SURF4: variants seen among roughly 807,000 people sequenced by gnomAD.
SURF4 encodes surfeit 4, also known as surfeit locus protein 4.
In SURF4, 3 loss-of-function variants were observed where a neutral mutation model predicts 30.0. The observed-to-expected ratio is 0.10, with a 90% CI of 0.05 to 0.26. SURF4 has a LOEUF of 0.26. Among genes scored for constraint, SURF4 ranks in the 10% least tolerant of loss-of-function variants. The pLI is 1.00. For missense variants in SURF4, 217 were observed against 350.8 expected (o/e 0.62, Z 3.05); for synonymous variants, 143 against 139.9 (o/e 1.02, Z -0.16).
intron 1 of SURF4, chr9:133,372,445 C>T: frequency 3.5e-6 from 1 of 287,666 alleles, no homozygotes; most frequent in Middle Eastern, 1.8e-3. Context: ...CTCTGCCCAT[C>T]TGAAGATGGT....
In SURF4 at chr9:133,363,437, C is replaced by G. The variant is rs2130086173; in HGVS notation, c.*56G>C. On this transcript the variant is annotated 3_prime_UTR_variant, in exon 6 of 6. Transcript: ENST00000371989. The surrounding 1 kb of genome is among the most constrained non-coding windows in gnomAD (Gnocchi z 4.3). ...GCTGGCAGTTTTGTTGAATCCACCCCGAACCAGTCCTTGACGGCCACGGGT... is the reference window on the plus strand; with the variant it reads ...GCTGGCAGTTTTGTTGAATCCACCCGGAACCAGTCCTTGACGGCCACGGGT... 1 of 1,614,024 alleles carries G rather than the reference C, an allele frequency of 6.2e-7. No individual in the cohort carries two copies. Among genetic ancestry groups the G allele is most frequent in the Non-Finnish European group, 8.5e-7 (1 of 1,179,982 alleles).
At chr9:133,376,780 C>T (rs2130251493), upstream of SURF4, among the ~76,000 whole-genome samples, 1 of 152,216 alleles carries the variant, frequency 6.6e-6, no homozygotes, top group African/African-American at 2.4e-5. Context: ...AAGGATTCTC[C>T]AGCCCTGGCT....
rs2130087567 is a variant in SURF4 at position 133,363,503 on chromosome 9, T to C, written c.800A>G (p.Lys267Arg). Reference protein sequence around the residue: ...PGGVSMDEKKKEW With the variant: ...PGGVSMDEKKREW ...AGGGATCTGTGACTGTTACCACTCC[T>C]TCTTCTTCTCATCCATGGAGACACC... Residue 267 changes from lysine to arginine, a missense_variant, in exon 6 of 6, where the codon AAG (lysine) becomes AGG (arginine). Transcript: ENST00000371989. This position sits in a 1 kb window ranked among gnomAD's most constrained non-coding sequence, Gnocchi z 4.3. 2 of 1,614,100 alleles carry C rather than the reference T, an allele frequency of 1.2e-6. No homozygotes were observed. Among genetic ancestry groups the C allele is most frequent in the South Asian group, 2.2e-5 (2 of 91,070 alleles).
upstream of SURF4, chr9:133,376,206 G>A: frequency 2.4e-6 from 3 of 1,275,556 alleles, no homozygotes; most frequent in South Asian, 5.5e-5. Flanking sequence ...CGACCCATCC[G>A]CTCGAAGCCA....
chr9:133,369,306 G>C (rs1429734688), intron 1 of SURF4, among the ~76,000 whole-genome samples: 1 of 152,192 alleles, frequency 6.6e-6, no homozygotes, highest in Non-Finnish European at 1.5e-5. Context: ...TCACCAAGTG[G>C]GTTTGGGAGA....
At chr9:133,364,408 C>G (rs1014341634) in intron 5 of SURF4, among the ~76,000 whole-genome samples, 2 of 152,116 alleles carry the variant, frequency 1.3e-5, no homozygotes. Flanking sequence ...AAAGTTTGCT[C>G]CGCCGAGCAC....
upstream of SURF4, among the ~76,000 whole-genome samples, chr9:133,377,203 G>A (rs1051645293): frequency 7.2e-5 from 11 of 151,864 alleles, no homozygotes; most frequent in Non-Finnish European, 1.6e-4. Flanking sequence ...AATTTTTAAA[G>A]TAAAGTTGTT....
chr9:133,368,153 C>A (rs1338320923), intron 1 of SURF4, among the ~76,000 whole-genome samples: 5 of 152,344 alleles, frequency 3.3e-5, no homozygotes, highest in African/African-American at 1.2e-4. Flanking sequence ...CAAGACTTGA[C>A]CCCAGCCTGC....
At chr9:133,370,521 G>A (rs1837442625) in intron 1 of SURF4, among the ~76,000 whole-genome samples, 1 of 152,118 alleles carries the variant, frequency 6.6e-6, no homozygotes, top group Admixed American at 6.5e-5. Flanking sequence ...TTAAAGACAA[G>A]GCCCAACATT....
chr9:133,364,729 TC>T, intron 5 of SURF4, 110 bp downstream of exon 5: 1 of 790,752 alleles, frequency 1.3e-6, no homozygotes, highest in Non-Finnish European at 1.8e-6. Flanking sequence ...TTTCAGCAGC[TC>T]CCCCAGGCTG....
chr9:133,372,818 T>C (rs1481151712), intron 1 of SURF4, among the ~76,000 whole-genome samples: 1 of 152,188 alleles, frequency 6.6e-6, no homozygotes, highest in Non-Finnish European at 1.5e-5. Context: ...CTTGGTCAGA[T>C]TCTGTCCACA....
upstream of SURF4, chr9:133,376,204 C>A: frequency 7.8e-7 from 1 of 1,275,286 alleles, no homozygotes; most frequent in African/African-American, 1.6e-5. Context: ...CCCGACCCAT[C>A]CGCTCGAAGC....
chr9:133,376,795 A>G (rs1258054585), upstream of SURF4, among the ~76,000 whole-genome samples: 1 of 152,158 alleles, frequency 6.6e-6, no homozygotes, highest in East Asian at 1.9e-4. Context: ...CTGGCTGAGT[A>G]TTTGAGGGCG....
At chr9:133,366,741 C>T in intron 2 of SURF4, 66 bp from the exon 3 acceptor site, 1 of 1,464,752 alleles carries the variant, frequency 6.8e-7, no homozygotes, top group Non-Finnish European at 9.4e-7. Context: ...TGTCTTGATA[C>T]ACTGCTACCT....
chr9:133,367,234 C>T, intron 2 of SURF4, 25 bp downstream of exon 2: 1 of 1,610,646 alleles, frequency 6.2e-7, no homozygotes, highest in South Asian at 1.1e-5. Flanking sequence ...CCCAGTGAAT[C>T]CTGACCACCC....
At chr9:133,376,708 G>T (rs993343325), upstream of SURF4, 3 of 646,922 alleles carry the variant, frequency 4.6e-6, no homozygotes, top group East Asian at 3.3e-5. Flanking sequence ...AACCCGGGGG[G>T]CCTCCAACGG....
At chr9:133,366,217 A>C in intron 3 of SURF4, 189 bp from the exon 4 acceptor site, 1 of 614,078 alleles carries the variant, frequency 1.6e-6, no homozygotes, top group African/African-American at 1.8e-5. Context: ...ATGTGCTATG[A>C]TGTTCCAGAG....
rs1837201064 is a variant in SURF4 at position 133,366,755 on chromosome 9, C to T, written c.236-80G>A. On this transcript the variant is annotated intron_variant, in intron 2 of 5. Coordinates refer to ENST00000371989, the MANE Select transcript of SURF4 (RefSeq NM_033161.4). ...CTGTCTTGATACACTGCTACCTCAC[C>T]TGGCCCTTAGGTCCAGAGGCAGCCA... 2.2e-6 allele frequency: 3 copies of T among 1,373,044 alleles called. No homozygotes were observed. The African/African-American group carries it at 4.3e-5, about 20-fold the overall frequency. The allele number at this position is 1,373,044 out of a possible 1,614,324, so 85.1% of individuals were successfully genotyped here.
chr9:133,366,643 C>T lies in SURF4; in HGVS notation c.268G>A (p.Val90Met), dbSNP rs2130130125. Residue 90 changes from valine (V) to methionine (M), a missense_variant, in exon 3 of 6, where the codon GTG becomes ATG. Val to Met is a conservative substitution (Grantham distance 21). Coordinates refer to ENST00000371989, the MANE Select transcript of SURF4 (RefSeq NM_033161.4). ...GCVLVLSRNF[V>M]QYACFGLFGI... ...AAGAGCCCGAAGCAGGCGTACTGCA[C>T]GAAGTTCCTGCTCAACACCAGGACG... 1.9e-6 allele frequency: 3 copies of T among 1,613,804 alleles called. No homozygotes were observed. The highest frequency in any genetic ancestry group is 2.5e-6 in the Non-Finnish European group (3 of 1,180,024).
Sources: allele counts gnomAD v4.1 joint callset (sites outside exome capture counted in the v4.1 genomes callset), GRCh38; gene constraint gnomAD v4.1.1; non-coding constraint Gnocchi (gnomAD v3.1); transcripts MANE v1.5; gene names NCBI Gene and HGNC (gene_info 2026-07-23, HGNC 2026-07-21).